Variants in KSR2 observed in about 807,000 individuals in gnomAD.
KSR2 encodes the protein kinase suppressor of ras 2.
KSR2 carries 25 observed loss-of-function variants against 107.8 expected under a neutral mutation model. That is an observed-to-expected ratio of 0.23 (90% CI 0.17 to 0.32). The LOEUF (loss-of-function observed/expected upper bound fraction) is 0.32. Among genes scored for constraint, KSR2 ranks in the 10% least tolerant of loss-of-function variants. KSR2 has a pLI of 1.00. For synonymous variants in KSR2, 480 were observed against 507.0 expected (o/e 0.95, Z 0.71); for missense variants, 887 against 1,268.9 (o/e 0.70, Z 4.57).
chr12:117,519,546 T>C (rs1046753740), intron 14 of KSR2, among the ~76,000 whole-genome samples: 3 of 151,636 alleles, frequency 2.0e-5, no homozygotes, highest in African/African-American at 7.3e-5. Flanking sequence ...TTCTACAAAA[T>C]AATTTGGGGA....
chr12:117,519,587 T>C (rs1874607423), intron 14 of KSR2, among the ~76,000 whole-genome samples: 1 of 152,108 alleles, frequency 6.6e-6, no homozygotes, highest in African/African-American at 2.4e-5. Context: ...GGGGCTTCTG[T>C]GAGGGACTGT....
intron 5 of KSR2, among the ~76,000 whole-genome samples, chr12:117,602,625 C>A (rs536259793): frequency 2.0e-5 from 3 of 152,358 alleles, no homozygotes; most frequent in Non-Finnish European, 4.4e-5. Context: ...CATACCCACA[C>A]AGCACCATTT....
intron 5 of KSR2, among the ~76,000 whole-genome samples, chr12:117,588,775 T>C (rs1245700732): frequency 6.6e-6 from 1 of 152,194 alleles, no homozygotes; most frequent in Non-Finnish European, 1.5e-5. Context: ...GCTGTGTGTC[T>C]TTGGGCAAGT....
At chr12:117,662,114 G>A (rs891628033) in intron 5 of KSR2, among the ~76,000 whole-genome samples, 5 of 152,112 alleles carry the variant, frequency 3.3e-5, no homozygotes, top group African/African-American at 4.8e-5. Flanking sequence ...TACCAGCACC[G>A]ACCCCAGCTC....
chr12:117,636,372 T>C (rs1183188933), intron 5 of KSR2, among the ~76,000 whole-genome samples: 3 of 148,530 alleles, frequency 2.0e-5, no homozygotes, highest in African/African-American at 7.5e-5. Context: ...GATATATGTA[T>C]ATGGAGATAT....
chr12:117,838,283 T>A (rs879421137), intron 3 of KSR2, among the ~76,000 whole-genome samples: 5 of 152,228 alleles, frequency 3.3e-5, no homozygotes, highest in Admixed American at 2.6e-4. Flanking sequence ...TTCTCCTGCC[T>A]CAGCCTCCCA....
At chr12:117,554,385 C>T (rs76745506) in intron 9 of KSR2, among the ~76,000 whole-genome samples, 3,555 of 152,282 alleles carry the variant, frequency 0.023, 143 homozygotes, top group African/African-American at 0.08. Flanking sequence ...CTACCAGAAG[C>T]TCAGAAATAG....
chr12:117,798,573 C>T (rs1181647850), intron 3 of KSR2, among the ~76,000 whole-genome samples: 1 of 152,050 alleles, frequency 6.6e-6, no homozygotes, highest in Non-Finnish European at 1.5e-5. Context: ...GTGGAGGTTG[C>T]AGTAGGCTTA....
At chr12:117,763,732 C>T (rs943374891) in intron 3 of KSR2, among the ~76,000 whole-genome samples, 37 of 152,262 alleles carry the variant, frequency 2.4e-4, no homozygotes, top group Middle Eastern at 6.8e-3. Flanking sequence ...GCAGGGGAGG[C>T]ATGGATTGAA....
intron 1 of KSR2, among the ~76,000 whole-genome samples, chr12:117,872,384 C>T (rs931251916): frequency 6.6e-6 from 1 of 152,000 alleles, no homozygotes; most frequent in African/African-American, 2.4e-5. Flanking sequence ...GGCAACATAG[C>T]AAGACCCCCA....
chr12:117,663,563 GT>G (rs1884526111), intron 5 of KSR2, among the ~76,000 whole-genome samples: 1 of 152,180 alleles, frequency 6.6e-6, no homozygotes, highest in South Asian at 2.1e-4. Flanking sequence ...CTAAGTACCA[GT>G]CCCCACGCTA....
chr12:117,604,390 G>T (rs1396118367), intron 5 of KSR2, among the ~76,000 whole-genome samples: 2 of 152,152 alleles, frequency 1.3e-5, no homozygotes, highest in Non-Finnish European at 2.9e-5. Flanking sequence ...AAGACAATCT[G>T]TTTTCAATTC....
Position 117,485,633 on chromosome 12 carries a change from C to T in KSR2, c.2278G>A (p.Val760Ile), listed in dbSNP as rs1216758427. The change falls in exon 15 of 20, where the codon GTC becomes ATC. Residue 760 changes from valine (V) to isoleucine (I), a missense_variant. Around this residue, in one of 8 missense-constraint regions of KSR2, gnomAD observed 308 missense variants for 506.2 expected, o/e 0.61. Transcript: ENST00000339824. ...VVRDAKIVLD[V>I]NKTRQIAQEI... Reference sequence around the variant, plus strand: ...TGAGCAATCTGCCTGGTTTTGTTGACATCCAAAACGATTTTGGCATCCCTC... The same window carrying T: ...TGAGCAATCTGCCTGGTTTTGTTGATATCCAAAACGATTTTGGCATCCCTC... The T allele has an allele frequency of 1.2e-6, 2 of 1,613,720 alleles. No individual in the cohort carries two copies. Among genetic ancestry groups the T allele is most frequent in the South Asian group, 2.2e-5 (2 of 91,086 alleles).
At chr12:117,616,161 G>GAA (rs10632275) in intron 5 of KSR2, among the ~76,000 whole-genome samples, 8,785 of 113,780 alleles carry the variant, frequency 0.077, 578 homozygotes, top group East Asian at 0.43. Context: ...ACCCTGTCTC[G>GAA]AAAAAAAAAA....
chr12:117,833,237 T>C (rs1391110882), intron 3 of KSR2, among the ~76,000 whole-genome samples: 2 of 152,152 alleles, frequency 1.3e-5, no homozygotes, highest in Non-Finnish European at 2.9e-5. Flanking sequence ...AAGGAAGTCA[T>C]CCATGGAAAT....
chr12:117,582,465 C>A, intron 5 of KSR2, 106 bp from the exon 6 acceptor site: 1 of 813,064 alleles, frequency 1.2e-6, no homozygotes, highest in Non-Finnish European at 2.1e-6. Flanking sequence ...AGGAAGGATA[C>A]CAGTTGCCAT....
At chr12:117,573,583 A>G (rs1473876726) in intron 7 of KSR2, among the ~76,000 whole-genome samples, 1 of 140,978 alleles carries the variant, frequency 7.1e-6, no homozygotes, top group East Asian at 2.1e-4. Context: ...GCTGGAGTGC[A>G]GTAGTGCAAT....
chr12:117,892,980 T>G (rs1399363968), intron 1 of KSR2, among the ~76,000 whole-genome samples: 1 of 151,382 alleles, frequency 6.6e-6, no homozygotes, highest in Non-Finnish European at 1.5e-5. Context: ...GAATTACTAA[T>G]GAAATGAAGG....
At chr12:117,592,891 G>T (rs1171137100) in intron 5 of KSR2, among the ~76,000 whole-genome samples, 1 of 152,198 alleles carries the variant, frequency 6.6e-6, no homozygotes, top group African/African-American at 2.4e-5. Flanking sequence ...TCAGAGAGGG[G>T]AGTGTCATTA....
Sources: allele counts gnomAD v4.1 joint callset (sites outside exome capture counted in the v4.1 genomes callset), GRCh38; gene constraint gnomAD v4.1.1; regional missense constraint gnomAD v4.1.1; transcripts MANE v1.5; gene names NCBI Gene and HGNC (gene_info 2026-07-23, HGNC 2026-07-21).